BCL9: variants seen among roughly 807,000 people sequenced by gnomAD.
BCL9 encodes B-cell CLL/lymphoma 9 protein.
In BCL9, 25 loss-of-function variants were observed where a neutral mutation model predicts 88.5. That is an observed-to-expected ratio of 0.28 (90% confidence interval 0.21 to 0.39). The LOEUF is 0.39. Among genes scored for constraint, BCL9 ranks in the 10% least tolerant of loss-of-function variants. The pLI is 1.00. For synonymous variants in BCL9, 711 were observed against 673.3 expected (o/e 1.06, Z -0.87); for missense variants, 1,817 against 1,877.8 (o/e 0.97, Z 0.60).
chr1:147,550,260 C>T (rs1159636587), intron 1 of BCL9, among the ~76,000 whole-genome samples: 1 of 152,116 alleles, frequency 6.6e-6, no homozygotes, highest in Non-Finnish European at 1.5e-5. Context: ...TAAAACTGGA[C>T]TGTCTTTTAG....
Position 147,619,503 on chromosome 1 carries a change from A to G in BCL9, c.1348A>G (p.Met450Val), listed in dbSNP as rs372306642. ...TCCAGATGAAATGGTTCCACCTTCT[A>G]TGAACTCCCAGTCTGGGACCATAGG... is the stretch of plus-strand genomic sequence containing the variant. ...FSPDEMVPPS[M>V]NSQSGTIGPD... is the part of the protein sequence containing the mutation. The change falls in exon 8 of 10, where the codon ATG becomes GTG. Residue 450 changes from methionine to valine, a missense_variant. Transcript: ENST00000234739. The surrounding 1 kb of genome is among the most constrained non-coding windows in gnomAD (Gnocchi z 4.1). 73 of 1,613,972 alleles carry G rather than the reference A, an allele frequency of 4.5e-5. No individual in the cohort carries two copies. Among genetic ancestry groups the G allele is most frequent in the African/African-American group, 4.4e-4 (33 of 74,882 alleles).
At chr1:147,614,302 G>A in intron 5 of BCL9, 125 bp from the exon 6 acceptor site, 1 of 876,184 alleles carries the variant, frequency 1.1e-6, no homozygotes, top group Non-Finnish European at 1.7e-6. Flanking sequence ...AGTAGAAGAG[G>A]TTTCCTCTTA....
chr1:147,563,867 T>C (rs1655488945), intron 1 of BCL9, among the ~76,000 whole-genome samples: 1 of 152,240 alleles, frequency 6.6e-6, no homozygotes, highest in Admixed American at 6.5e-5. Context: ...TTTAATCCAC[T>C]TCATAATCCT....
chr1:147,549,572 C>T (rs932976221), intron 1 of BCL9, among the ~76,000 whole-genome samples: 2 of 152,110 alleles, frequency 1.3e-5, no homozygotes, highest in African/African-American at 2.4e-5. Flanking sequence ...GCAGTTGTGA[C>T]CATCTGAAAC....
At chr1:147,554,463 G>C (rs1553195161) in intron 1 of BCL9, among the ~76,000 whole-genome samples, 1 of 152,166 alleles carries the variant, frequency 6.6e-6, no homozygotes, top group Non-Finnish European at 1.5e-5. Flanking sequence ...CTTAGTAATG[G>C]AGGTCAGAGA....
intron 3 of BCL9, among the ~76,000 whole-genome samples, chr1:147,607,928 A>T (rs1306995568): frequency 6.6e-6 from 1 of 152,282 alleles, no homozygotes; most frequent in East Asian, 1.9e-4. Flanking sequence ...CATGGAGAGA[A>T]CTTGCAGCAT....
At chr1:147,597,994 G>A (rs1202785032) in intron 1 of BCL9, among the ~76,000 whole-genome samples, 3 of 152,232 alleles carry the variant, frequency 2.0e-5, no homozygotes. Context: ...TTGCTGAGCA[G>A]AGGTGATCTG....
At chr1:147,545,871 T>C (rs1369812648) in intron 1 of BCL9, among the ~76,000 whole-genome samples, 2 of 152,156 alleles carry the variant, frequency 1.3e-5, no homozygotes, top group African/African-American at 4.8e-5. Context: ...CCTTCTGTTA[T>C]ATTTGAGTAA....
intron 1 of BCL9, among the ~76,000 whole-genome samples, chr1:147,576,308 G>A (rs1656110738): frequency 6.6e-6 from 1 of 152,052 alleles, no homozygotes; most frequent in South Asian, 2.1e-4. Context: ...TCATCTCCCG[G>A]CCACTCTAGA....
At chr1:147,592,761 C>T (rs1173417429) in intron 1 of BCL9, among the ~76,000 whole-genome samples, 1 of 152,176 alleles carries the variant, frequency 6.6e-6, no homozygotes, top group Non-Finnish European at 1.5e-5. Context: ...ATAATAAGAA[C>T]CAACATTTAT....
At chr1:147,622,171 G>C in intron 8 of BCL9, 100 bp from the exon 9 acceptor site, 1 of 1,467,616 alleles carries the variant, frequency 6.8e-7, no homozygotes, top group Non-Finnish European at 9.3e-7. Context: ...CTGTTCATCT[G>C]TCTCATTCCT....
chr1:147,620,248 C>T lies in BCL9; in HGVS notation c.2093C>T (p.Pro698Leu), dbSNP rs375481634. The change falls in exon 8 of 10, where the codon CCC (proline) becomes CTC (leucine). Residue 698 changes from proline (P) to leucine (L), a missense_variant. Physicochemically the swap from Pro to Leu is moderately conservative, Grantham distance 98. Coordinates refer to ENST00000234739, the MANE Select transcript of BCL9 (RefSeq NM_004326.4). ...PSRGDFPKGIPPQMGPGRELE... is the reference protein window; with the variant it reads ...PSRGDFPKGILPQMGPGRELE... ...AGGGGTGACTTTCCAAAAGGAATTC[C>T]CCCACAGATGGGCCCTGGTCGGGAA... The T allele has an allele frequency of 6.2e-7, 1 of 1,614,138 alleles. No homozygotes were observed. Among genetic ancestry groups the T allele is most frequent in the Non-Finnish European group, 8.5e-7 (1 of 1,179,996 alleles).
chr1:147,611,624 A>C lies in BCL9; in HGVS notation c.-213A>C, dbSNP rs1456717474. 1 of 575,200 alleles carries C rather than the reference A, an allele frequency of 1.7e-6. No individual in the cohort carries two copies. Among genetic ancestry groups the C allele is most frequent in the African/African-American group, 1.9e-5 (1 of 53,404 alleles). The allele number at this position is 575,200 out of a possible 1,614,324, so 35.6% of individuals were successfully genotyped here. A position where few individuals can be genotyped will look rare whatever the true frequency, so the allele number is the denominator to read the frequency against. On this transcript the variant is annotated 5_prime_UTR_variant, in exon 4 of 10. Coordinates refer to ENST00000234739, the MANE Select transcript of BCL9 (RefSeq NM_004326.4). ...TTTCCTCTGGCAGCAGGAGGCACGC[A>C]CCCAGAGAATGCTGGAGCTGCAAGG...
chr1:147,615,983 T>C, intron 7 of BCL9, 81 bp downstream of exon 7: 1 of 1,354,050 alleles, frequency 7.4e-7, no homozygotes, highest in Non-Finnish European at 1.0e-6. Flanking sequence ...ATTTAATTGA[T>C]AGGAAGGTAG....
intron 1 of BCL9, among the ~76,000 whole-genome samples, chr1:147,597,163 A>G (rs1267711663): frequency 6.6e-6 from 1 of 152,204 alleles, no homozygotes. Flanking sequence ...ATTCTGTAAG[A>G]CAGAATGGAA....
intron 1 of BCL9, among the ~76,000 whole-genome samples, chr1:147,557,558 C>T (rs1253021368): frequency 6.6e-6 from 1 of 152,088 alleles, no homozygotes; most frequent in Non-Finnish European, 1.5e-5. Flanking sequence ...TATCCTCCTT[C>T]CTAAGATAAA....
chr1:147,598,055 A>T (rs1657129877), intron 1 of BCL9, among the ~76,000 whole-genome samples: 3 of 152,182 alleles, frequency 2.0e-5, no homozygotes, highest in Admixed American at 2.0e-4. Flanking sequence ...GTTTTCTCTT[A>T]TAGACAAGTT....
intron 6 of BCL9, 27 bp from the exon 7 acceptor site, chr1:147,615,776 T>A (rs377230197): frequency 6.3e-7 from 1 of 1,575,472 alleles, no homozygotes; most frequent in Non-Finnish European, 8.7e-7. Context: ...CAAGTTCTAG[T>A]GTGTGCTGTC....
At chr1:147,542,907 T>TA (rs1654399000) in intron 1 of BCL9, among the ~76,000 whole-genome samples, 1 of 152,212 alleles carries the variant, frequency 6.6e-6, no homozygotes, top group Non-Finnish European at 1.5e-5. Flanking sequence ...CCTTGGAGGT[T>TA]AAAGATTTTT....
Sources: allele counts gnomAD v4.1 joint callset (sites outside exome capture counted in the v4.1 genomes callset), GRCh38; gene constraint gnomAD v4.1.1; non-coding constraint Gnocchi (gnomAD v3.1); transcripts MANE v1.5; gene names NCBI Gene and HGNC (gene_info 2026-07-23, HGNC 2026-07-21).